The following NPAS2 variants were observed in gnomAD, a reference collection of about 807,000 sequenced individuals.
NPAS2 encodes neuronal PAS domain protein 2.
Under a neutral mutation model 107.5 loss-of-function variants are expected in NPAS2, and 23 were observed. The observed-to-expected ratio is 0.21, with a 90% CI of 0.15 to 0.30. The LOEUF (loss-of-function observed/expected upper bound fraction) is 0.30. NPAS2 is among the 10% of genes least tolerant of loss of function. The probability of loss-of-function intolerance (pLI) is 1.00; values close to 1 mark genes in which losing one functional copy is unlikely to be tolerated. For missense variants in NPAS2, 756 were observed against 1,043.3 expected (o/e 0.72, Z 3.79); for synonymous variants, 403 against 417.5 (o/e 0.97, Z 0.42).
At chr2:100,921,877 G>A (rs1683248926) in intron 2 of NPAS2, among the ~76,000 whole-genome samples, 2 of 152,152 alleles carry the variant, frequency 1.3e-5, no homozygotes, top group Admixed American at 1.3e-4. Flanking sequence ...ATCTGTACAT[G>A]AGTGTTCAGA....
chr2:100,949,318 T>C (rs533002822), intron 6 of NPAS2, 49 bp from the exon 7 acceptor site: 1 of 1,041,600 alleles, frequency 9.6e-7, no homozygotes, highest in Non-Finnish European at 1.5e-6. Flanking sequence ...TTAGAGTCTG[T>C]GCAATGCTCA....
chr2:100,970,934 G>GTCA, intron 11 of NPAS2, 56 bp from the exon 12 acceptor site: 1 of 1,506,784 alleles, frequency 6.6e-7, no homozygotes, highest in Non-Finnish European at 9.2e-7. Flanking sequence ...TTCAGGTGGT[G>GTCA]TCATCCCTTC....
chr2:100,947,316 C>G (rs561720292), intron 5 of NPAS2, among the ~76,000 whole-genome samples: 1 of 152,104 alleles, frequency 6.6e-6, no homozygotes, highest in East Asian at 1.9e-4. Context: ...TTTGGGAGGC[C>G]GGGGTGGGCG....
intron 17 of NPAS2, chr2:100,989,564 G>A (rs1677988626): frequency 6.6e-6 from 1 of 152,230 alleles, no homozygotes; most frequent in Non-Finnish European, 1.5e-5. Flanking sequence ...TCGGATGAAT[G>A]GACAATCAGT....
At chr2:100,829,112 C>G (rs1676566702) in intron 1 of NPAS2, among the ~76,000 whole-genome samples, 1 of 151,496 alleles carries the variant, frequency 6.6e-6, no homozygotes, top group African/African-American at 2.4e-5. Flanking sequence ...GATCTTTCAC[C>G]TCTTTGGTTA....
chr2:100,890,374 C>T (rs1309922515), intron 1 of NPAS2, among the ~76,000 whole-genome samples: 4 of 152,122 alleles, frequency 2.6e-5, no homozygotes, highest in Non-Finnish European at 5.9e-5. Context: ...AACTTAGTAA[C>T]GTTGATCTCC....
At chr2:100,828,574 A>G (rs1293550265) in intron 1 of NPAS2, among the ~76,000 whole-genome samples, 1 of 152,172 alleles carries the variant, frequency 6.6e-6, no homozygotes, top group Non-Finnish European at 1.5e-5. Flanking sequence ...ATTTTTGTAT[A>G]TGGTGAAAGG....
In NPAS2 at chr2:100,972,228, G is replaced by A. The variant is rs139235843; in HGVS notation, c.1140+1154G>A. Among the ~76,000 whole-genome samples the A allele has an allele frequency of 1.7e-3, 255 of 152,298 alleles. 3 individuals carry two copies. Among genetic ancestry groups the A allele is most frequent in the African/African-American group, 5.9e-3 (247 of 41,560 alleles). The stretch of plus-strand genomic sequence containing the variant: ...TTCTCAAAGTGCTGGGATTACAGGC[G>A]TGAGCCACTGTGCCTGGCCTCCACC... On this transcript the variant is annotated intron_variant, in intron 12 of 20. Coordinates refer to ENST00000335681, the MANE Select transcript of NPAS2 (RefSeq NM_002518.4).
At chr2:100,881,536 A>G (rs373525359) in intron 1 of NPAS2, among the ~76,000 whole-genome samples, 1 of 152,184 alleles carries the variant, frequency 6.6e-6, no homozygotes. Context: ...AAATACAAAA[A>G]TTAGTCAGGC....
At chr2:100,845,934 C>T (rs1480421905) in intron 1 of NPAS2, among the ~76,000 whole-genome samples, 3 of 152,232 alleles carry the variant, frequency 2.0e-5, no homozygotes, top group Non-Finnish European at 4.4e-5. Context: ...TTCCAAACCA[C>T]TCTGGAATTT....
intron 1 of NPAS2, among the ~76,000 whole-genome samples, chr2:100,898,894 G>A (rs768630063): frequency 2.6e-5 from 4 of 151,986 alleles, no homozygotes; most frequent in Admixed American, 6.6e-5. Flanking sequence ...CACTTCAGTC[G>A]GGTGGCCAAG....
Position 100,954,261 on chromosome 2 carries a change from G to A in NPAS2, c.598+4781G>A, listed in dbSNP as rs1221039465. Reference sequence around the variant, plus strand: ...TAGGTGCGTTGCTTTGCATACGAAAGGTACCTGGAAGGTGAGTTGTTTGTC... The same window carrying A: ...TAGGTGCGTTGCTTTGCATACGAAAAGTACCTGGAAGGTGAGTTGTTTGTC... On this transcript the variant is annotated intron_variant, in intron 7 of 20. Coordinates refer to ENST00000335681, the MANE Select transcript of NPAS2 (RefSeq NM_002518.4). Among the ~76,000 whole-genome samples, 3 of 152,284 alleles carry A rather than the reference G, an allele frequency of 2.0e-5. No individual in the cohort carries two copies. The East Asian group carries it at 5.8e-4, about 29-fold the overall frequency.
At chr2:100,918,077 T>TA (rs397825803) in intron 2 of NPAS2, among the ~76,000 whole-genome samples, 3 of 150,886 alleles carry the variant, frequency 2.0e-5, no homozygotes, top group African/African-American at 7.3e-5. Context: ...TTTATATATA[T>TA]TTTAAATTAC....
chr2:100,863,531 G>C (rs554344414), intron 1 of NPAS2, among the ~76,000 whole-genome samples: 1 of 152,292 alleles, frequency 6.6e-6, no homozygotes, highest in East Asian at 1.9e-4. Flanking sequence ...ATCCTAGAGG[G>C]ATGTGAAGCC....
At chr2:100,874,715 C>T (rs1679845168) in intron 1 of NPAS2, among the ~76,000 whole-genome samples, 2 of 152,166 alleles carry the variant, frequency 1.3e-5, no homozygotes, top group South Asian at 4.2e-4. Context: ...GCACTCCAGC[C>T]TGGGGGACAG....
At chr2:100,992,547 C>T (rs1263185335) in intron 19 of NPAS2, among the ~76,000 whole-genome samples, 3 of 152,126 alleles carry the variant, frequency 2.0e-5, no homozygotes, top group African/African-American at 7.2e-5. Context: ...AAGTGTGTAG[C>T]CCCTCCCCCT....
chr2:100,940,862 A>T (rs1256685432), intron 5 of NPAS2, among the ~76,000 whole-genome samples: 1 of 152,116 alleles, frequency 6.6e-6, no homozygotes, highest in African/African-American at 2.4e-5. Context: ...GAGAATGAGG[A>T]GCTGAGAGGT....
chr2:100,821,034 C>T (rs1176878980), intron 1 of NPAS2: 1 of 1,302,922 alleles, frequency 7.7e-7, no homozygotes, highest in Non-Finnish European at 1.0e-6. Context: ...TGGATGTATG[C>T]GTATGGTTTT....
At chr2:100,875,764 T>C (rs1250865635) in intron 1 of NPAS2, among the ~76,000 whole-genome samples, 2 of 152,240 alleles carry the variant, frequency 1.3e-5, no homozygotes, top group Non-Finnish European at 2.9e-5. Context: ...ATGCACTTTT[T>C]TCCTTAAACG....
Sources: allele counts gnomAD v4.1 joint callset (sites outside exome capture counted in the v4.1 genomes callset), GRCh38; gene constraint gnomAD v4.1.1; transcripts MANE v1.5; gene names NCBI Gene and HGNC (gene_info 2026-07-23, HGNC 2026-07-21).